The following SAXO1 variants were observed in gnomAD, a reference collection of about 807,000 sequenced individuals.
SAXO1 encodes the protein 4930500O09Rik.
Under a neutral mutation model 17.5 loss-of-function variants are expected in SAXO1, and 21 were observed. The observed-to-expected ratio is 1.20, with a 90% CI of 0.85 to 1.72. SAXO1 has a LOEUF of 1.72. SAXO1 is among the 40% of genes most tolerant of loss of function. SAXO1 has a pLI of 0.00. For missense variants in SAXO1, 843 were observed against 596.0 expected, an observed-to-expected ratio of 1.41 and a Z score of -4.32; for synonymous variants, 274 against 216.5, an observed-to-expected ratio of 1.27 and a Z score of -2.33.
At chr9:19,004,840 C>A (rs1834424100) in intron 1 of SAXO1, among the ~76,000 whole-genome samples, 1 of 152,056 alleles carries the variant, frequency 6.6e-6, no homozygotes, top group Admixed American at 6.6e-5. Flanking sequence ...ACATTGTGCA[C>A]ATGTACGCTA....
intron 1 of SAXO1, among the ~76,000 whole-genome samples, chr9:19,018,523 C>A (rs59273023): frequency 4.0e-4 from 61 of 152,202 alleles, no homozygotes; most frequent in Non-Finnish European, 1.9e-4. Context: ...AGTCAATACA[C>A]GCTGTTGGAA....
chr9:18,932,093 T>C (rs1253163641), intron 3 of SAXO1, among the ~76,000 whole-genome samples: 1 of 152,266 alleles, frequency 6.6e-6, no homozygotes, highest in East Asian at 1.9e-4. Context: ...TAATAAATCA[T>C]GCTTTTGATG....
chr9:18,928,381 C>A lies in SAXO1; in HGVS notation c.1096G>T (p.Glu366Ter), dbSNP rs534018583. Reference protein sequence around the residue: ...KPVPQLDLPTEPLDCLTTTRA... With the variant: ...KPVPQLDLPT The stretch of plus-strand genomic sequence containing the variant: ...GTGGTGGTCAGGCAGTCCAGGGGCT[C>A]GGTGGGCAAGTCCAGCTGGGGAACG... The change falls in exon 4 of 4, where the codon GAG becomes TAG. Residue 366 changes from glutamate (E) to a stop codon, truncating the protein, a stop_gained. Coordinates refer to ENST00000380534, the MANE Select transcript of SAXO1 (RefSeq NM_153707.4). LOFTEE classifies it low-confidence loss of function (END_TRUNC). The A allele has an allele frequency of 6.2e-7, 1 of 1,611,790 alleles. No individual in the cohort carries two copies. The highest frequency in any genetic ancestry group is 1.3e-5 in the African/African-American group (1 of 74,876).
At chr9:18,973,572 G>A (rs2131801294) in intron 1 of SAXO1, among the ~76,000 whole-genome samples, 1 of 152,248 alleles carries the variant, frequency 6.6e-6, no homozygotes, top group East Asian at 1.9e-4. Context: ...TGGTTAAATG[G>A]CCCTCATGTG....
intron 3 of SAXO1, among the ~76,000 whole-genome samples, chr9:18,937,338 T>C (rs951346409): frequency 2.0e-5 from 3 of 152,044 alleles, no homozygotes; most frequent in African/African-American, 7.2e-5. Flanking sequence ...CCTGGAGCCC[T>C]TGTAAACAAT....
chr9:18,963,768 T>C (rs545698718), intron 1 of SAXO1, among the ~76,000 whole-genome samples: 10 of 152,288 alleles, frequency 6.6e-5, no homozygotes, highest in East Asian at 1.9e-4. Context: ...TCTCTCCTAA[T>C]TGAATACCCT....
intron 1 of SAXO1, among the ~76,000 whole-genome samples, chr9:18,984,693 G>A (rs981001670): frequency 1.3e-5 from 2 of 152,182 alleles, no homozygotes; most frequent in Non-Finnish European, 2.9e-5. Flanking sequence ...TGGCTTAAGG[G>A]AATGTTGTGG....
intron 2 of SAXO1, among the ~76,000 whole-genome samples, chr9:18,945,632 C>T (rs145317928): frequency 3.6e-3 from 543 of 152,266 alleles, no homozygotes; most frequent in Non-Finnish European, 5.8e-3. Flanking sequence ...TTCACTATAA[C>T]AGATGGGATT....
chr9:18,989,683 T>A (rs1458869163), intron 1 of SAXO1, among the ~76,000 whole-genome samples: 2 of 152,054 alleles, frequency 1.3e-5, no homozygotes, highest in Non-Finnish European at 2.9e-5. Flanking sequence ...AGCTAAGAAG[T>A]GGAACATCAA....
chr9:18,940,216 C>A (rs1831494874), intron 3 of SAXO1, among the ~76,000 whole-genome samples: 1 of 152,172 alleles, frequency 6.6e-6, no homozygotes, highest in South Asian at 2.1e-4. Context: ...GATAAGAGGA[C>A]AAGCCCAGAG....
intron 1 of SAXO1, chr9:19,027,223 C>T: frequency 8.4e-7 from 1 of 1,184,480 alleles, no homozygotes; most frequent in South Asian, 1.2e-5. Context: ...ATCAAAACCT[C>T]TACACGACAG....
chr9:19,040,079 C>T (rs1029080989), intron 1 of SAXO1, among the ~76,000 whole-genome samples: 10 of 152,030 alleles, frequency 6.6e-5, no homozygotes, highest in Middle Eastern at 3.2e-3. Context: ...TTCCAAGGCA[C>T]GGTGCACTGT....
chr9:19,036,309 T>C (rs997855490), upstream of SAXO1, among the ~76,000 whole-genome samples: 4 of 151,186 alleles, frequency 2.6e-5, no homozygotes, highest in Non-Finnish European at 5.9e-5. Flanking sequence ...ACCTGTTTTC[T>C]GAGGAGAAAT....
chr9:19,030,571 T>C (rs369519227), intron 1 of SAXO1, among the ~76,000 whole-genome samples: 1 of 151,932 alleles, frequency 6.6e-6, no homozygotes, highest in Non-Finnish European at 1.5e-5. Context: ...CCCAGCATGG[T>C]GGTGGGTACC....
At chr9:18,979,678 T>A (rs1194131837) in intron 1 of SAXO1, among the ~76,000 whole-genome samples, 1 of 152,176 alleles carries the variant, frequency 6.6e-6, no homozygotes, top group Non-Finnish European at 1.5e-5. Flanking sequence ...GCTGAGAGGA[T>A]AACAGCCTAG....
intron 1 of SAXO1, among the ~76,000 whole-genome samples, chr9:18,967,104 T>G (rs559920944): frequency 8.5e-5 from 13 of 152,316 alleles, no homozygotes; most frequent in African/African-American, 3.1e-4. Context: ...TGCTGCCTGC[T>G]CCTTCCTCGG....
Position 18,946,217 on chromosome 9 carries a change from G to A in SAXO1, c.219-4378C>T, listed in dbSNP as rs536092872. 3.7e-3 allele frequency among the ~76,000 whole-genome samples: 545 copies of A among 148,376 alleles called. 1 individual carries two copies. The highest frequency in any genetic ancestry group is 4.2e-3 in the Non-Finnish European group (285 of 67,482). On this transcript the variant is annotated intron_variant, in intron 2 of 3. Coordinates refer to ENST00000380534, the MANE Select transcript of SAXO1 (RefSeq NM_153707.4). Reference sequence around the variant, plus strand: ...CTTGAACTCGGGAGGAGGAAGTTGCGGTGAGCCGAGATCGTGCCACTGCTC... The same window carrying A: ...CTTGAACTCGGGAGGAGGAAGTTGCAGTGAGCCGAGATCGTGCCACTGCTC...
At chr9:18,996,921 C>G (rs945393563) in intron 1 of SAXO1, among the ~76,000 whole-genome samples, 1 of 152,050 alleles carries the variant, frequency 6.6e-6, no homozygotes, top group African/African-American at 2.4e-5. Context: ...TCACAAATGA[C>G]ATGATCTCAT....
At chr9:18,992,435 G>C (rs1000037680) in intron 1 of SAXO1, among the ~76,000 whole-genome samples, 3 of 152,166 alleles carry the variant, frequency 2.0e-5, no homozygotes, top group Admixed American at 6.5e-5. Flanking sequence ...TGCTACTCAT[G>C]CTGGATTAGG....
Sources: allele counts gnomAD v4.1 joint callset (sites outside exome capture counted in the v4.1 genomes callset), GRCh38; gene constraint gnomAD v4.1.1; transcripts MANE v1.5; gene names NCBI Gene and HGNC (gene_info 2026-07-23, HGNC 2026-07-21).